Variants in EPHA7 observed in about 807,000 individuals in gnomAD.
EPHA7 encodes the protein EPH receptor A7, also known as ephrin type-A receptor 7.
EPHA7 carries 25 observed loss-of-function variants against 112.6 expected under a neutral mutation model. The ratio of observed to expected loss-of-function variants is 0.22; its 90% CI spans 0.16 to 0.31. EPHA7 has a LOEUF of 0.31. Ranked by LOEUF, EPHA7 falls within the 10% of genes least tolerant of loss-of-function variation. EPHA7 has a pLI of 1.00. For missense variants in EPHA7, 962 were observed against 1,212.6 expected, an observed-to-expected ratio of 0.79 and a Z score of 3.07; for synonymous variants, 437 against 406.5, an observed-to-expected ratio of 1.07 and a Z score of -0.90.
At chr6:93,272,225 T>G in intron 6 of EPHA7, 73 bp downstream of exon 6, 1 of 1,551,852 alleles carries the variant, frequency 6.4e-7, no homozygotes, top group Non-Finnish European at 8.8e-7. Context: ...AATGACCAAC[T>G]TTAGTCTACA....
At chr6:93,369,842 A>ACCAT (rs1187568788) in intron 3 of EPHA7, among the ~76,000 whole-genome samples, 2 of 152,202 alleles carry the variant, frequency 1.3e-5, no homozygotes, top group Non-Finnish European at 2.9e-5. Context: ...ATCTGGTGAC[A>ACCAT]CCATCCCACT....
At chr6:93,416,220 TA>T (rs1167213994) in intron 1 of EPHA7, among the ~76,000 whole-genome samples, 2 of 152,200 alleles carry the variant, frequency 1.3e-5, no homozygotes, top group Non-Finnish European at 2.9e-5. Context: ...CGAATTTATA[TA>T]AAAAGTAATT....
At chr6:93,265,034 C>T (rs1770865595) in intron 7 of EPHA7, among the ~76,000 whole-genome samples, 1 of 151,546 alleles carries the variant, frequency 6.6e-6, no homozygotes, top group Non-Finnish European at 1.5e-5. Flanking sequence ...CCCTATTGTT[C>T]CTCAGCAAGG....
chr6:93,371,346 C>T (rs1362581740), intron 3 of EPHA7, among the ~76,000 whole-genome samples: 1 of 152,066 alleles, frequency 6.6e-6, no homozygotes, highest in Non-Finnish European at 1.5e-5. Flanking sequence ...CTAGAATTTA[C>T]ACTGTATTAG....
rs1445559091 is a variant in EPHA7 at position 93,243,101 on chromosome 6, T to C, written c.*325A>G. The C allele has an allele frequency of 8.1e-6, 2 of 245,644 alleles. No individual in the cohort carries two copies. The highest frequency in any genetic ancestry group is 1.1e-4 in the Admixed American group (2 of 18,240). 15.2% of individuals were successfully genotyped at this position (245,644 alleles called of 1,614,324 possible). A position where few individuals can be genotyped will look rare whatever the true frequency, so the allele number is the denominator to read the frequency against. The stretch of plus-strand genomic sequence containing the variant: ...TGATTTTATTTGACAAATATATTCT[T>C]TCTTAAATTCTTTATGTACATTTTA... On this transcript the variant is annotated 3_prime_UTR_variant, in exon 17 of 17. Coordinates refer to ENST00000369303, the MANE Select transcript of EPHA7 (RefSeq NM_004440.4).
At chr6:93,395,800 C>T (rs941482068) in intron 3 of EPHA7, among the ~76,000 whole-genome samples, 19 of 151,860 alleles carry the variant, frequency 1.3e-4, no homozygotes, top group African/African-American at 4.6e-4. Context: ...CAGAAAGCTG[C>T]CACTGAAGAA....
At chr6:93,298,786 T>C (rs1772810007) in intron 5 of EPHA7, among the ~76,000 whole-genome samples, 1 of 152,158 alleles carries the variant, frequency 6.6e-6, no homozygotes, top group Non-Finnish European at 1.5e-5. Flanking sequence ...CTATCCACAA[T>C]AAAATTCCAA....
In EPHA7 at chr6:93,258,207, T is replaced by C; in HGVS notation, c.2002A>G (p.Lys668Glu). The change falls in exon 11 of 17, where the codon AAA becomes GAA. Residue 668 changes from lysine (K) to glutamate (E), a missense_variant. Coordinates refer to ENST00000369303, the MANE Select transcript of EPHA7 (RefSeq NM_004440.4). ...RDVAVAIKTLKVGYTEKQRRD... is the reference protein window; with the variant it reads ...RDVAVAIKTLEVGYTEKQRRD... Reference sequence around the variant, plus strand: ...CTTTGTTTTTCTGTGTAACCAACTTTCAGGGTTTTTATGGCTACTGCAACA... The same window carrying C: ...CTTTGTTTTTCTGTGTAACCAACTTCCAGGGTTTTTATGGCTACTGCAACA... 6.2e-7 allele frequency: 1 copy of C among 1,613,500 alleles called. No homozygotes were observed. Among genetic ancestry groups the C allele is most frequent in the Non-Finnish European group, 8.5e-7 (1 of 1,179,642 alleles).
At chr6:93,291,634 G>A (rs983236802) in intron 5 of EPHA7, among the ~76,000 whole-genome samples, 3 of 149,236 alleles carry the variant, frequency 2.0e-5, no homozygotes, top group Non-Finnish European at 4.5e-5. Context: ...CGGGCGTAGT[G>A]GCGGGCGCCT....
chr6:93,319,247 G>A (rs164298), intron 5 of EPHA7, among the ~76,000 whole-genome samples: 54,073 of 151,854 alleles, frequency 0.36, 10,047 homozygotes, highest in African/African-American at 0.46. Flanking sequence ...GAAGTTACAA[G>A]TTGTTATATT....
chr6:93,368,435 C>A (rs1436238541), intron 3 of EPHA7, among the ~76,000 whole-genome samples: 1 of 151,958 alleles, frequency 6.6e-6, no homozygotes, highest in Non-Finnish European at 1.5e-5. Flanking sequence ...CTATCTGTGG[C>A]AGTTATTGGC....
rs556021538 is a variant in EPHA7, at chr6:93,278,724, T to TTG, written c.1325-6304_1325-6303dup. Among the ~76,000 whole-genome samples, 372 of 150,970 alleles carry TTG rather than the reference T, an allele frequency of 2.5e-3. 1 individual carries two copies. Among genetic ancestry groups the TTG allele is most frequent in the African/African-American group, 7.7e-3 (318 of 41,234 alleles). On this transcript the variant is annotated intron_variant, in intron 5 of 16. Coordinates refer to ENST00000369303, the MANE Select transcript of EPHA7 (RefSeq NM_004440.4). ...TTCTTGCTGTTTTTTTTTGTTGTTG[T>TTG]TGTGTGTGTGTGTGTGAAGAAGCTG...
chr6:93,304,823 A>G (rs1773168884), intron 5 of EPHA7, among the ~76,000 whole-genome samples: 1 of 152,050 alleles, frequency 6.6e-6, no homozygotes, highest in Non-Finnish European at 1.5e-5. Context: ...CTCAAAAGAC[A>G]TGCCTCAGCC....
intron 3 of EPHA7, among the ~76,000 whole-genome samples, chr6:93,376,865 C>T (rs1034772713): frequency 6.6e-6 from 1 of 152,100 alleles, no homozygotes; most frequent in Non-Finnish European, 1.5e-5. Context: ...CTCTATTGCT[C>T]GGATGTCTAT....
chr6:93,277,559 C>T (rs990946917), intron 5 of EPHA7, among the ~76,000 whole-genome samples: 9 of 151,950 alleles, frequency 5.9e-5, no homozygotes, highest in African/African-American at 1.4e-4. Flanking sequence ...TTGTGATAGA[C>T]GTCTGTCAAA....
chr6:93,298,872 C>T (rs919465460), intron 5 of EPHA7, among the ~76,000 whole-genome samples: 1 of 152,106 alleles, frequency 6.6e-6, no homozygotes, highest in Non-Finnish European at 1.5e-5. Flanking sequence ...TGATTTCTAA[C>T]TGTGTTTATT....
chr6:93,332,709 A>G (rs148967808), intron 5 of EPHA7, among the ~76,000 whole-genome samples: 188 of 151,830 alleles, frequency 1.2e-3, no homozygotes, highest in African/African-American at 4.2e-3. Context: ...AGTAAAAAAT[A>G]TGATTTAGAG....
chr6:93,346,871 C>G (rs778104827), intron 5 of EPHA7, among the ~76,000 whole-genome samples: 2 of 151,580 alleles, frequency 1.3e-5, no homozygotes, highest in Non-Finnish European at 3.0e-5. Flanking sequence ...CTTCTTTACT[C>G]TAAAGTGGCT....
At chr6:93,354,296 C>T (rs73532333) in intron 5 of EPHA7, among the ~76,000 whole-genome samples, 27,375 of 151,794 alleles carry the variant, frequency 0.18, 2,483 homozygotes, top group East Asian at 0.24. Flanking sequence ...GAACAATAAT[C>T]ACTAACACAT....
Sources: gnomAD v4.1 joint callset for allele counts (sites outside exome capture counted in the v4.1 genomes callset) on GRCh38, gnomAD v4.1.1 for gene constraint, MANE v1.5 for transcripts, NCBI Gene and HGNC (gene_info 2026-07-23, HGNC 2026-07-21) for gene names.